ZNF558: variants seen among roughly 807,000 people sequenced by gnomAD.
ZNF558 encodes zinc finger protein 558.
A neutral mutation model predicts 37.6 loss-of-function variants in ZNF558; 23 were observed. That is an observed-to-expected ratio of 0.61 (90% CI 0.44 to 0.87). The LOEUF is 0.87. ZNF558 is among the 40% of genes least tolerant of loss of function. ZNF558 has a pLI of 0.00. For synonymous variants in ZNF558, 189 were observed against 174.4 expected (o/e 1.08, Z -0.66); for missense variants, 429 against 483.7 (o/e 0.89, Z 1.06).
At chr19:8,819,524 GAA>G (rs1457961067) in intron 7 of ZNF558, among the ~76,000 whole-genome samples, 1 of 152,148 alleles carries the variant, frequency 6.6e-6, no homozygotes, top group African/African-American at 2.4e-5. Flanking sequence ...TCAAGAAAAT[GAA>G]AAGACACCCA....
Position 8,813,111 on chromosome 19 carries a change from T to C in ZNF558, c.343+16A>G. 1 of 1,566,702 alleles carries C rather than the reference T, an allele frequency of 6.4e-7. No homozygotes were observed. Among genetic ancestry groups the C allele is most frequent in the Non-Finnish European group, 8.7e-7 (1 of 1,152,260 alleles). ...GAGCTATTCCTCACAAGGGCTCATA[T>C]CCACCTGGTGCTCACCTGGACAGGT... On this transcript the variant is annotated intron_variant, in intron 8 of 9. Transcript: ENST00000601372.
rs184209077 is a variant in ZNF558 at position 8,822,868 on chromosome 19, G to A, written c.-65-144C>T. The A allele has an allele frequency of 3.8e-4, 280 of 734,930 alleles. 1 individual carries two copies. The Middle Eastern group carries it at 4.8e-3, about 13-fold the overall frequency. The allele number at this position is 734,930 out of a possible 1,614,324, so 45.5% of individuals were successfully genotyped here. On this transcript the variant is annotated intron_variant, in intron 4 of 9. Coordinates refer to ENST00000601372, the MANE Select transcript of ZNF558 (RefSeq NM_144693.3). The surrounding 1 kb of genome is among the most constrained non-coding windows in gnomAD (Gnocchi z 4.4). ...ACTGGGCCTTTATTTTGCTGAGCAG[G>A]CAATGAATTCAGGGCCACCTGATGG...
upstream of ZNF558, among the ~76,000 whole-genome samples, chr19:8,835,916 A>G (rs545790939): frequency 6.6e-5 from 10 of 152,298 alleles, no homozygotes; most frequent in African/African-American, 1.9e-4. Flanking sequence ...CTCATAAAAA[A>G]CCCACATTTT....
upstream of ZNF558, chr19:8,833,475 G>A (rs1341405306): frequency 6.6e-6 from 1 of 152,170 alleles, no homozygotes; most frequent in Non-Finnish European, 1.5e-5. Context: ...GTGTGGACAT[G>A]TATGTGTGTG....
At chr19:8,831,264 T>C (rs1284425685) in intron 2 of ZNF558, 54 bp downstream of exon 2, 1 of 152,238 alleles carries the variant, frequency 6.6e-6, no homozygotes. Context: ...CGAGGAGTTC[T>C]TCTACACAGC....
At chr19:8,828,292 T>C (rs1021909706) in intron 2 of ZNF558, among the ~76,000 whole-genome samples, 26 of 152,318 alleles carry the variant, frequency 1.7e-4, no homozygotes, top group African/African-American at 6.3e-4. Flanking sequence ...TTAACATGCG[T>C]CCCTGAGTTG....
chr19:8,813,126 CCTGGA>C lies in ZNF558; in HGVS notation c.339_343del (p.Cys113Ter). The C allele has an allele frequency of 6.3e-7, 1 of 1,581,092 alleles. No homozygotes were observed. On this transcript the variant is annotated stop_gained and frameshift_variant and splice_region_variant, in exon 8 of 10. Coordinates refer to ENST00000601372, the MANE Select transcript of ZNF558 (RefSeq NM_144693.3). LOFTEE classifies it high-confidence loss of function. ...AGGGCTCATATCCACCTGGTGCTCACCTGGACAGGTGCTTGGTAGAATTCCTCTTT... is the reference window on the plus strand; with the variant it reads ...AGGGCTCATATCCACCTGGTGCTCACCAGGTGCTTGGTAGAATTCCTCTTT...
chr19:8,826,259 G>A (rs936000743), intron 2 of ZNF558, among the ~76,000 whole-genome samples: 5 of 152,080 alleles, frequency 3.3e-5, no homozygotes, highest in South Asian at 2.1e-4. Flanking sequence ...CAGTGGGGCT[G>A]GGCAGGGAAT....
At chr19:8,824,784 T>A (rs2044193207) in intron 3 of ZNF558, among the ~76,000 whole-genome samples, 1 of 152,154 alleles carries the variant, frequency 6.6e-6, no homozygotes, top group African/African-American at 2.4e-5. Flanking sequence ...AGACCCTTCC[T>A]CATGCCCCTC....
chr19:8,814,720 C>T (rs2043886934), intron 7 of ZNF558, among the ~76,000 whole-genome samples: 1 of 152,124 alleles, frequency 6.6e-6, no homozygotes, highest in Non-Finnish European at 1.5e-5. Flanking sequence ...ACACACAGAG[C>T]CCACGTAAAG....
intron 3 of ZNF558, among the ~76,000 whole-genome samples, chr19:8,824,683 T>G (rs1452859511): frequency 6.6e-6 from 1 of 152,154 alleles, no homozygotes; most frequent in Non-Finnish European, 1.5e-5. Flanking sequence ...TGGGCAGTTC[T>G]GGCCTGGGGT....
intron 7 of ZNF558, among the ~76,000 whole-genome samples, chr19:8,820,651 T>C (rs971067566): frequency 6.6e-6 from 1 of 152,112 alleles, no homozygotes; most frequent in African/African-American, 2.4e-5. Context: ...GGCTAATTTG[T>C]ATTTTTAGTG....
At chr19:8,826,081 T>G (rs1010569219) in intron 2 of ZNF558, among the ~76,000 whole-genome samples, 1 of 151,988 alleles carries the variant, frequency 6.6e-6, no homozygotes, top group Admixed American at 6.6e-5. Context: ...CCTGCTGGTG[T>G]TGATGATGGA....
intron 7 of ZNF558, among the ~76,000 whole-genome samples, chr19:8,813,695 ACT>A (rs2043857132): frequency 6.6e-6 from 1 of 152,178 alleles, no homozygotes; most frequent in South Asian, 2.1e-4. Flanking sequence ...GCATATGGTA[ACT>A]CTCACTGAAC....
At chr19:8,833,168 T>A (rs2044404445), upstream of ZNF558, 1 of 152,206 alleles carries the variant, frequency 6.6e-6, no homozygotes. Context: ...GGAGATCAGA[T>A]TCAGGGGTAG....
In ZNF558 at chr19:8,811,110, G is replaced by T; in HGVS notation, c.*171C>A. On this transcript the variant is annotated 3_prime_UTR_variant, in exon 10 of 10. Coordinates refer to ENST00000601372, the MANE Select transcript of ZNF558 (RefSeq NM_144693.3). Reference sequence around the variant, plus strand: ...AGAGATAAGCTGTTCTTGAATTCCTGATCTGTAGAAATTGTTAGAGAATAA... The same window carrying T: ...AGAGATAAGCTGTTCTTGAATTCCTTATCTGTAGAAATTGTTAGAGAATAA... 1.6e-6 allele frequency: 1 copy of T among 610,470 alleles called. No individual in the cohort carries two copies. 37.8% of individuals were successfully genotyped at this position (610,470 alleles called of 1,614,324 possible).
intron 6 of ZNF558, chr19:8,821,788 T>C (rs1005497911): frequency 4.3e-6 from 6 of 1,385,054 alleles, no homozygotes; most frequent in South Asian, 1.6e-5. Flanking sequence ...GAGCACATGA[T>C]GTACTCAGGG....
upstream of ZNF558, among the ~76,000 whole-genome samples, chr19:8,836,229 G>A (rs1461043624): frequency 1.3e-5 from 2 of 152,152 alleles, 1 homozygote; most frequent in African/African-American, 4.8e-5. Context: ...GGCATAATAA[G>A]AGAATAAAAG....
chr19:8,817,569 T>C (rs969909828), intron 7 of ZNF558, among the ~76,000 whole-genome samples: 1 of 152,118 alleles, frequency 6.6e-6, no homozygotes, highest in Non-Finnish European at 1.5e-5. Context: ...CATTTTTGAC[T>C]TATGGTATTT....
Sources: allele counts gnomAD v4.1 joint callset (sites outside exome capture counted in the v4.1 genomes callset), GRCh38; gene constraint gnomAD v4.1.1; non-coding constraint Gnocchi (gnomAD v3.1); transcripts MANE v1.5; gene names NCBI Gene and HGNC (gene_info 2026-07-23, HGNC 2026-07-21).